The following FRMD6 variants were observed in gnomAD, a reference collection of about 807,000 sequenced individuals.
The protein encoded by FRMD6 is FERM domain-containing protein 6.
FRMD6 carries 37 observed loss-of-function variants against 73.2 expected under a neutral mutation model. The observed-to-expected ratio is 0.51, with a 90% CI of 0.39 to 0.66. FRMD6 has a LOEUF of 0.66. Ranked by LOEUF, FRMD6 falls within the 30% of genes least tolerant of loss-of-function variation. FRMD6 has a pLI of 0.00. For synonymous variants in FRMD6, 273 were observed against 282.2 expected, an observed-to-expected ratio of 0.97 and a Z score of 0.33; for missense variants, 714 against 780.5, an observed-to-expected ratio of 0.91 and a Z score of 1.02.
chr14:51,429,041 AG>A, the FRMD6 span, among the ~76,000 whole-genome samples: 7 of 66,834 alleles, frequency 1.0e-4, 1 homozygote, highest in Non-Finnish European at 9.7e-5. Context: ...GGGAGAGAAA[AG>A]AAAAGGGAAG....
chr14:51,489,708 T>C (rs2140160773), intron 1 of FRMD6, among the ~76,000 whole-genome samples: 1 of 152,324 alleles, frequency 6.6e-6, no homozygotes, highest in Non-Finnish European at 1.5e-5. Flanking sequence ...ACAGTGCCTG[T>C]GCTTTCTGTA....
chr14:51,706,010 G>C (rs887564528), intron 6 of FRMD6, among the ~76,000 whole-genome samples: 5 of 152,022 alleles, frequency 3.3e-5, no homozygotes. Context: ...TAAGGTAGCT[G>C]TTTACCCATA....
chr14:51,496,442 G>A (rs1159096165), intron 1 of FRMD6, among the ~76,000 whole-genome samples: 1 of 152,158 alleles, frequency 6.6e-6, no homozygotes, highest in African/African-American at 2.4e-5. Flanking sequence ...AGATTTAAAA[G>A]GGCGTCACTC....
intron 2 of FRMD6, among the ~76,000 whole-genome samples, chr14:51,571,210 T>TA (rs1350836651): frequency 1.3e-5 from 2 of 152,134 alleles, no homozygotes; most frequent in Non-Finnish European, 2.9e-5. Flanking sequence ...TTCATCTCTA[T>TA]AAAAAACAGA....
intron 1 of FRMD6, among the ~76,000 whole-genome samples, chr14:51,518,734 G>A (rs1434407094): frequency 6.6e-6 from 1 of 152,154 alleles, no homozygotes; most frequent in East Asian, 1.9e-4. Flanking sequence ...AACGATACAA[G>A]CCTTACTCCA....
the FRMD6 span, among the ~76,000 whole-genome samples, chr14:51,419,853 A>G: frequency 3.9e-5 from 6 of 151,996 alleles, no homozygotes; most frequent in South Asian, 2.1e-4. Context: ...CTCATTTGGT[A>G]TAGTCACGTG....
chr14:51,608,600 C>A (rs746639366), intron 2 of FRMD6, among the ~76,000 whole-genome samples: 1 of 152,064 alleles, frequency 6.6e-6, no homozygotes, highest in Non-Finnish European at 1.5e-5. Context: ...TGTTCAGCCA[C>A]GCTTGCAGTA....
intron 1 of FRMD6, among the ~76,000 whole-genome samples, chr14:51,558,085 T>G (rs1254651363): frequency 1.3e-5 from 2 of 152,242 alleles, no homozygotes; most frequent in African/African-American, 2.4e-5. Flanking sequence ...TATAGTTGTC[T>G]TTTATTCTCA....
intron 2 of FRMD6, among the ~76,000 whole-genome samples, chr14:51,644,334 G>C (rs1891952883): frequency 6.8e-6 from 1 of 146,636 alleles, no homozygotes. Flanking sequence ...GTGCATCTCA[G>C]ATTTCTCTGC....
intron 1 of FRMD6, among the ~76,000 whole-genome samples, chr14:51,492,754 G>A (rs2140174082): frequency 6.6e-6 from 1 of 152,268 alleles, no homozygotes; most frequent in South Asian, 2.1e-4. Flanking sequence ...CTTTACATGT[G>A]ATACACCATT....
chr14:51,720,537 T>C, intron 11 of FRMD6, 147 bp downstream of exon 11: 1 of 692,592 alleles, frequency 1.4e-6, no homozygotes, highest in South Asian at 1.8e-5. Flanking sequence ...AATGACTTGG[T>C]TGAGTTGCTT....
At chr14:51,432,074 T>C in the FRMD6 span, among the ~76,000 whole-genome samples, 2 of 152,212 alleles carry the variant, frequency 1.3e-5, no homozygotes, top group Non-Finnish European at 2.9e-5. Flanking sequence ...ACAAGCTCTT[T>C]TGAGTTAGAG....
chr14:51,532,414 A>G (rs983906854), intron 1 of FRMD6, among the ~76,000 whole-genome samples: 1 of 151,616 alleles, frequency 6.6e-6, no homozygotes, highest in Admixed American at 6.6e-5. Flanking sequence ...CATTTTTCAT[A>G]TTCTGGGATT....
intron 2 of FRMD6, among the ~76,000 whole-genome samples, chr14:51,628,774 CTGGG>C: frequency 8.7e-6 from 1 of 114,434 alleles, no homozygotes; most frequent in Admixed American, 1.2e-4. Context: ...CCACTCCAGC[CTGGG>C]TGACAGAGCA....
intron 2 of FRMD6, among the ~76,000 whole-genome samples, chr14:51,616,575 T>C (rs536689196): frequency 3.1e-4 from 47 of 152,168 alleles, no homozygotes; most frequent in Non-Finnish European, 6.6e-4. Flanking sequence ...AGCAGTGTTA[T>C]GCTGGTGAAG....
At chr14:51,589,886 T>C (rs190772582) in intron 2 of FRMD6, among the ~76,000 whole-genome samples, 6 of 152,200 alleles carry the variant, frequency 3.9e-5, no homozygotes, top group Admixed American at 6.5e-5. Flanking sequence ...CTGGCCAACA[T>C]GGGGAAACCC....
At chr14:51,474,894 TA>T in the FRMD6 span, among the ~76,000 whole-genome samples, 1 of 152,224 alleles carries the variant, frequency 6.6e-6, no homozygotes, top group African/African-American at 2.4e-5. Context: ...TAGGTTCTAT[TA>T]TCTGTTCAGC....
At chr14:51,485,825 C>T (rs1357320908), upstream of FRMD6, among the ~76,000 whole-genome samples, 1 of 151,992 alleles carries the variant, frequency 6.6e-6, no homozygotes, top group Non-Finnish European at 1.5e-5. Flanking sequence ...AGCGAAAAAC[C>T]TTTTCAACAG....
the FRMD6 span, among the ~76,000 whole-genome samples, chr14:51,431,072 T>G: frequency 6.6e-6 from 1 of 152,204 alleles, no homozygotes; most frequent in Non-Finnish European, 1.5e-5. Flanking sequence ...ACAATTGAGG[T>G]TATTGTTTTC....
Sources: allele counts gnomAD v4.1 joint callset (sites outside exome capture counted in the v4.1 genomes callset), GRCh38; gene constraint gnomAD v4.1.1; transcripts MANE v1.5; gene names NCBI Gene and HGNC (gene_info 2026-07-23, HGNC 2026-07-21).